The following COL26A1 variants were observed in gnomAD, a reference collection of about 807,000 sequenced individuals.
The protein encoded by COL26A1 is collagen type XXVI alpha 1 chain.
COL26A1 carries 41 observed loss-of-function variants against 59.3 expected under a neutral mutation model. That is an observed-to-expected ratio of 0.69 (90% confidence interval 0.54 to 0.90). The LOEUF is 0.90. Among genes scored for constraint, COL26A1 ranks in the 40% least tolerant of loss-of-function variants. COL26A1 has a pLI of 0.00. For missense variants in COL26A1, 612 were observed against 602.3 expected (o/e 1.02, Z -0.17); for synonymous variants, 266 against 256.0 (o/e 1.04, Z -0.37).
intron 1 of COL26A1, among the ~76,000 whole-genome samples, chr7:101,372,225 G>A (rs1460761675): frequency 1.3e-5 from 2 of 151,654 alleles, no homozygotes; most frequent in Non-Finnish European, 2.9e-5. Context: ...GAGTGCAGTG[G>A]TGCGATCTTG....
chr7:101,539,344 TC>T (rs144236655), intron 4 of COL26A1, among the ~76,000 whole-genome samples: 3,174 of 150,520 alleles, frequency 0.021, 51 homozygotes, highest in Middle Eastern at 0.066. Flanking sequence ...GCTTTTTTTT[TC>T]TCTCTCTCTC....
chr7:101,450,183 C>G (rs946824542), intron 3 of COL26A1, among the ~76,000 whole-genome samples: 6 of 151,548 alleles, frequency 4.0e-5, no homozygotes, highest in African/African-American at 1.5e-4. Context: ...ATGGGGCAGG[C>G]CGGGCACAGG....
Position 101,394,492 on chromosome 7 carries a change from G to A in COL26A1, c.159-25485G>A, listed in dbSNP as rs532049992. 2.0e-4 allele frequency among the ~76,000 whole-genome samples: 30 copies of A among 151,928 alleles called. No homozygotes were observed. The South Asian group carries it at 4.4e-3, about 22-fold the overall frequency. The stretch of plus-strand genomic sequence containing the variant: ...TACAATAATAGCTCACTGCAGCCTC[G>A]AATTCTTGGCCTTAAGCAATCCTCC... On this transcript the variant is annotated intron_variant, in intron 1 of 12. Transcript: ENST00000313669.
At chr7:101,466,699 TATAA>T (rs1793765269) in intron 3 of COL26A1, among the ~76,000 whole-genome samples, 1 of 151,918 alleles carries the variant, frequency 6.6e-6, no homozygotes, top group African/African-American at 2.4e-5. Flanking sequence ...CCAAAAAATA[TATAA>T]ATAAATACAG....
At chr7:101,527,693 C>T (rs931155455) in intron 3 of COL26A1, among the ~76,000 whole-genome samples, 2 of 152,110 alleles carry the variant, frequency 1.3e-5, no homozygotes, top group Non-Finnish European at 2.9e-5. Context: ...TTGCCTGGTA[C>T]GTTGACACTT....
Position 101,515,584 on chromosome 7 carries a change from CTT to C in COL26A1, c.386-17487_386-17486del, listed in dbSNP as rs36025647. Reference sequence around the variant, plus strand: ...CAGGCATGAGCCACCATGTCTGGCTCTTTTTTTTTTTTCTTTTTTTGAGACAG... The same window carrying C: ...CAGGCATGAGCCACCATGTCTGGCTCTTTTTTTTTTCTTTTTTTGAGACAG... On this transcript the variant is annotated intron_variant, in intron 3 of 12. Coordinates refer to ENST00000313669, the MANE Select transcript of COL26A1 (RefSeq NM_001278563.3). Among the ~76,000 whole-genome samples the C allele has an allele frequency of 1.6e-3, 223 of 140,906 alleles. 1 individual carries two copies. Among genetic ancestry groups the C allele is most frequent in the Middle Eastern group, 0.013 (3 of 226 alleles). 92.4% of individuals were successfully genotyped at this position (140,906 alleles called of 152,430 possible).
intron 2 of COL26A1, among the ~76,000 whole-genome samples, chr7:101,444,357 T>C (rs1010214452): frequency 2.6e-5 from 4 of 151,916 alleles, no homozygotes; most frequent in Non-Finnish European, 5.9e-5. Flanking sequence ...TAGATGATAG[T>C]TGAAAATTTT....
At chr7:101,471,440 A>G (rs1174605494) in intron 3 of COL26A1, among the ~76,000 whole-genome samples, 1 of 152,176 alleles carries the variant, frequency 6.6e-6, no homozygotes, top group Non-Finnish European at 1.5e-5. Flanking sequence ...AAGATAATGT[A>G]TTAGAGACTA....
intron 2 of COL26A1, among the ~76,000 whole-genome samples, chr7:101,430,463 A>ATT (rs1290778514): frequency 4.2e-5 from 6 of 142,352 alleles, no homozygotes; most frequent in Non-Finnish European, 7.7e-5. Flanking sequence ...TAATTTTTGT[A>ATT]TTTTTTTTTT....
At position 101,473,763 on chromosome 7, in the gene COL26A1, G is replaced by A. The variant is rs569256671; in HGVS notation, c.385+25976G>A. Among the ~76,000 whole-genome samples the A allele has an allele frequency of 5.3e-5, 8 of 152,170 alleles. No individual in the cohort carries two copies. In the South Asian group the frequency reaches 6.2e-4, roughly 12 times the overall value. On this transcript the variant is annotated intron_variant, in intron 3 of 12. Transcript: ENST00000313669. ...AGCTACTTGGGAGATTGTGGTGGGA[G>A]GATTGCTTTGAGGCTGGGAGGTTGA...
At chr7:101,533,282 AG>A in intron 4 of COL26A1, 139 bp downstream of exon 4, 1 of 679,448 alleles carries the variant, frequency 1.5e-6, no homozygotes. Flanking sequence ...AGCCGGTCCC[AG>A]GTACTGGGTA....
intron 2 of COL26A1, among the ~76,000 whole-genome samples, chr7:101,429,217 C>A (rs1252682660): frequency 6.6e-6 from 1 of 152,160 alleles, no homozygotes; most frequent in Non-Finnish European, 1.5e-5. Context: ...AGCCACCATG[C>A]CTGGCCTCTG....
chr7:101,447,369 G>C (rs1793223993), intron 2 of COL26A1, among the ~76,000 whole-genome samples: 1 of 152,234 alleles, frequency 6.6e-6, no homozygotes. Context: ...TTTTGTTTCA[G>C]AGTCAAACCA....
intron 1 of COL26A1, among the ~76,000 whole-genome samples, chr7:101,397,918 A>AG (rs1263916114): frequency 6.6e-6 from 1 of 152,192 alleles, no homozygotes; most frequent in African/African-American, 2.4e-5. Context: ...TCAGGCCCAG[A>AG]GGGAGAACAT....
intron 3 of COL26A1, among the ~76,000 whole-genome samples, chr7:101,475,148 A>T (rs1039858839): frequency 6.6e-6 from 1 of 152,102 alleles, no homozygotes; most frequent in African/African-American, 2.4e-5. Flanking sequence ...GTGAGCCGAG[A>T]TCGCGCCACT....
intron 2 of COL26A1, among the ~76,000 whole-genome samples, chr7:101,445,502 C>A (rs933570392): frequency 2.0e-4 from 30 of 146,982 alleles, no homozygotes; most frequent in African/African-American, 6.6e-4. Flanking sequence ...GAGGCCGAGG[C>A]GGGCGGATCA....
intron 3 of COL26A1, among the ~76,000 whole-genome samples, chr7:101,513,183 AT>A (rs1183380066): frequency 1.3e-5 from 2 of 150,102 alleles, no homozygotes; most frequent in Admixed American, 1.3e-4. Context: ...ATTTTTTTGT[AT>A]TTTTGTAGAG....
intron 9 of COL26A1, among the ~76,000 whole-genome samples, chr7:101,549,976 A>G (rs192162292): frequency 2.0e-5 from 3 of 152,318 alleles, no homozygotes; most frequent in African/African-American, 7.2e-5. Flanking sequence ...AGAAGTCAGG[A>G]AGAGCAGGTA....
intron 3 of COL26A1, among the ~76,000 whole-genome samples, chr7:101,505,187 G>A (rs1794781951): frequency 6.8e-6 from 1 of 146,692 alleles, no homozygotes; most frequent in Non-Finnish European, 1.5e-5. Flanking sequence ...TCCATGTTGG[G>A]TGGGTGTGCC....
Sources: gnomAD v4.1 joint callset for allele counts (sites outside exome capture counted in the v4.1 genomes callset) on GRCh38, gnomAD v4.1.1 for gene constraint, MANE v1.5 for transcripts, NCBI Gene and HGNC (gene_info 2026-07-23, HGNC 2026-07-21) for gene names.